The following ECT2L variants were observed in gnomAD, a reference collection of about 807,000 sequenced individuals.
The protein encoded by ECT2L is epithelial cell-transforming sequence 2 oncogene-like.
In ECT2L, 126 loss-of-function variants were observed where a neutral mutation model predicts 122.8. The observed-to-expected ratio is 1.03, with a 90% CI of 0.89 to 1.19. The LOEUF (loss-of-function observed/expected upper bound fraction) is 1.19. Ranked by LOEUF, ECT2L falls within the 50% of genes most tolerant of loss-of-function variation. The pLI is 0.00. For synonymous variants in ECT2L, 385 were observed against 381.8 expected, an observed-to-expected ratio of 1.01 and a Z score of -0.10; for missense variants, 1,012 against 1,064.1, an observed-to-expected ratio of 0.95 and a Z score of 0.68.
At chr6:138,854,359 C>A (rs745314693) in intron 10 of ECT2L, among the ~76,000 whole-genome samples, 3 of 152,102 alleles carry the variant, frequency 2.0e-5, no homozygotes, top group Non-Finnish European at 4.4e-5. Flanking sequence ...TACAGAAATA[C>A]GGTCCCTAAA....
intron 13 of ECT2L, among the ~76,000 whole-genome samples, chr6:138,874,119 G>T (rs1346622209): frequency 3.3e-5 from 5 of 152,144 alleles, no homozygotes; most frequent in African/African-American, 1.2e-4. Flanking sequence ...TATCCAGGCA[G>T]CTGAGTGTTT....
At position 138,887,224 on chromosome 6, in the gene ECT2L, C is replaced by T. The variant is rs79177908; in HGVS notation, c.2325+302C>T. ...CCATGTGTTCTACTTGTTTTCTTTT[C>T]TTTAATTTTTTTTTTTTTTTGAGAC... On this transcript the variant is annotated intron_variant, in intron 19 of 21. Transcript: ENST00000541398. 1.6e-3 allele frequency among the ~76,000 whole-genome samples: 238 copies of T among 149,152 alleles called. 1 individual carries two copies. Among genetic ancestry groups the T allele is most frequent in the African/African-American group, 5.3e-3 (214 of 40,562 alleles).
chr6:138,901,811 C>T (rs1358637752), intron 21 of ECT2L, among the ~76,000 whole-genome samples: 4 of 152,190 alleles, frequency 2.6e-5, no homozygotes, highest in Admixed American at 2.6e-4. Flanking sequence ...TTTTTCACTG[C>T]ATGTAAAGAC....
intron 1 of ECT2L, among the ~76,000 whole-genome samples, chr6:138,803,802 A>G (rs886429606): frequency 6.6e-6 from 1 of 152,224 alleles, no homozygotes; most frequent in Non-Finnish European, 1.5e-5. Flanking sequence ...ATTGTTCCTA[A>G]TATGATACAT....
chr6:138,843,999 C>T (rs1276789640), intron 6 of ECT2L, among the ~76,000 whole-genome samples: 1 of 152,124 alleles, frequency 6.6e-6, no homozygotes, highest in Non-Finnish European at 1.5e-5. Context: ...TCAGCTAGGC[C>T]TTATGCTTTA....
At chr6:138,858,909 T>G (rs116766354) in intron 10 of ECT2L, among the ~76,000 whole-genome samples, 1,929 of 152,062 alleles carry the variant, frequency 0.013, 50 homozygotes, top group African/African-American at 0.044. Context: ...GGTCTCCCTA[T>G]GTTTCCCAGG....
At chr6:138,850,053 C>A (rs1396573493) in intron 9 of ECT2L, among the ~76,000 whole-genome samples, 1 of 152,104 alleles carries the variant, frequency 6.6e-6, no homozygotes, top group Non-Finnish European at 1.5e-5. Context: ...CTCCACAGGC[C>A]CTGACAACCA....
At chr6:138,817,162 G>A (rs974216970) in intron 4 of ECT2L, among the ~76,000 whole-genome samples, 18 of 152,186 alleles carry the variant, frequency 1.2e-4, no homozygotes, top group Non-Finnish European at 1.5e-5. Context: ...TTATCCCATT[G>A]TATGGATGTG....
At position 138,849,169 on chromosome 6, in the gene ECT2L, T is replaced by C. The variant is rs73557272; in HGVS notation, c.904-100T>C. On this transcript the variant is annotated intron_variant, in intron 8 of 21. Coordinates refer to ENST00000541398, the MANE Select transcript of ECT2L (RefSeq NM_001077706.3). ...TCTTCCATAATCTCTGAAAATTCTT[T>C]AGAAATCACGGCGTATTTTGTATCC... The C allele has an allele frequency of 3.3e-3, 3,924 of 1,199,220 alleles. 97 individuals are homozygous for C. In the African/African-American group the frequency reaches 0.054, roughly 16 times the overall value. The allele number at this position is 1,199,220 out of a possible 1,614,324, so 74.3% of individuals were successfully genotyped here.
chr6:138,824,544 AAAAAAAAAAACTAT>A (rs1776367503), intron 4 of ECT2L, among the ~76,000 whole-genome samples: 1 of 94,678 alleles, frequency 1.1e-5, no homozygotes, highest in African/African-American at 4.8e-5. Flanking sequence ...AAAGCAATAA[AAAAAAAAAAACTAT>A]AAAAAAAAAC....
intron 1 of ECT2L, among the ~76,000 whole-genome samples, chr6:138,803,884 A>T (rs763295551): frequency 5.3e-5 from 8 of 152,244 alleles, no homozygotes; most frequent in Admixed American, 1.3e-4. Flanking sequence ...GGCACTGCAA[A>T]TGTCTGTCTT....
At chr6:138,863,861 G>T (rs549888573) in intron 11 of ECT2L, among the ~76,000 whole-genome samples, 1 of 151,204 alleles carries the variant, frequency 6.6e-6, no homozygotes, top group East Asian at 2.0e-4. Context: ...TGATCCGCCC[G>T]CCTCAGCCTC....
chr6:138,891,339 G>A (rs912346422), intron 20 of ECT2L, among the ~76,000 whole-genome samples: 1 of 152,168 alleles, frequency 6.6e-6, no homozygotes, highest in Non-Finnish European at 1.5e-5. Context: ...GTTTTGTAGA[G>A]AATCTCCTCT....
At chr6:138,801,711 T>C (rs1775548770) in intron 1 of ECT2L, among the ~76,000 whole-genome samples, 1 of 152,000 alleles carries the variant, frequency 6.6e-6, no homozygotes, top group Non-Finnish European at 1.5e-5. Context: ...GCCAAGATCA[T>C]GCCACTGCAC....
intron 19 of ECT2L, among the ~76,000 whole-genome samples, chr6:138,887,581 C>CTGATGGTATCTGAACAAGCTTT (rs1778871387): frequency 6.6e-6 from 1 of 152,144 alleles, no homozygotes; most frequent in Non-Finnish European, 1.5e-5. Flanking sequence ...ATTCTGCACC[C>CTGATGGTATCTGAACAAGCTTT]TGATGGTATC....
intron 10 of ECT2L, among the ~76,000 whole-genome samples, chr6:138,859,428 C>T (rs574866939): frequency 6.6e-6 from 1 of 152,246 alleles, no homozygotes; most frequent in Admixed American, 6.5e-5. Context: ...TATATGTAGA[C>T]GTATGTTTAA....
rs1779091104 is a variant in ECT2L, at chr6:138,893,174, GTTTTTTTTTTGT to G, written c.2414+4152_2414+4163del. On this transcript the variant is annotated intron_variant, in intron 20 of 21. Coordinates refer to ENST00000541398, the MANE Select transcript of ECT2L (RefSeq NM_001077706.3). ...CACAAGTGCTTCTCAGTTTTTTTTT[GTTTTTTTTTTGT>G]TTTTTTTTGTTTTTTTTTCCCCACC... is the stretch of plus-strand genomic sequence containing the variant. 2.2e-5 allele frequency among the ~76,000 whole-genome samples: 3 copies of G among 135,584 alleles called. 1 individual carries two copies. The allele number at this position is 135,584 out of a possible 152,430, so 88.9% of individuals were successfully genotyped here. A position where few individuals can be genotyped will look rare whatever the true frequency, so the allele number is the denominator to read the frequency against.
chr6:138,804,327 G>GA (rs1265507058), intron 1 of ECT2L, among the ~76,000 whole-genome samples: 2 of 152,160 alleles, frequency 1.3e-5, no homozygotes, highest in African/African-American at 4.8e-5. Flanking sequence ...TTCTATAAAT[G>GA]AAACAATCCA....
intron 20 of ECT2L, among the ~76,000 whole-genome samples, chr6:138,896,709 G>A (rs1023884528): frequency 1.9e-4 from 29 of 152,130 alleles, no homozygotes; most frequent in African/African-American, 2.9e-4. Flanking sequence ...GTGCAATGGC[G>A]TGATCTCGGC....
Sources: allele counts gnomAD v4.1 joint callset (sites outside exome capture counted in the v4.1 genomes callset), GRCh38; gene constraint gnomAD v4.1.1; transcripts MANE v1.5; gene names NCBI Gene and HGNC (gene_info 2026-07-23, HGNC 2026-07-21).